Variants in MAMDC2 observed in about 807,000 individuals in gnomAD.
MAMDC2 encodes MAM domain containing 2.
In MAMDC2, 57 loss-of-function variants were observed where a neutral mutation model predicts 89.8. The ratio of observed to expected loss-of-function variants is 0.63; its 90% CI spans 0.51 to 0.79. The LOEUF (loss-of-function observed/expected upper bound fraction) is 0.79. Ranked by LOEUF, MAMDC2 falls within the 30% of genes least tolerant of loss-of-function variation. The pLI, the probability that MAMDC2 is intolerant of heterozygous loss-of-function variation, is 0.00. For synonymous variants in MAMDC2, 313 were observed against 293.4 expected, an observed-to-expected ratio of 1.07 and a Z score of -0.68; for missense variants, 800 against 820.6, an observed-to-expected ratio of 0.97 and a Z score of 0.31.
chr9:70,098,650 AG>A (rs1197482809), intron 2 of MAMDC2, among the ~76,000 whole-genome samples: 2 of 152,206 alleles, frequency 1.3e-5, no homozygotes, highest in Non-Finnish European at 2.9e-5. Flanking sequence ...AAGGAAGAAA[AG>A]GTTGTTTTCC....
chr9:70,073,717 A>T (rs866898546), intron 2 of MAMDC2, among the ~76,000 whole-genome samples: 2 of 152,216 alleles, frequency 1.3e-5, no homozygotes, highest in Admixed American at 1.3e-4. Flanking sequence ...ATAAACCATG[A>T]ATCTCATCTC....
intron 2 of MAMDC2, among the ~76,000 whole-genome samples, chr9:70,077,913 C>T (rs1827568200): frequency 2.1e-5 from 3 of 143,314 alleles, no homozygotes; most frequent in African/African-American, 8.6e-5. Flanking sequence ...TGTGAAGTTA[C>T]AACACTGCAC....
At chr9:70,077,709 A>G (rs1827563990) in intron 2 of MAMDC2, among the ~76,000 whole-genome samples, 1 of 152,146 alleles carries the variant, frequency 6.6e-6, no homozygotes. Context: ...GAGAATAGTT[A>G]TCATTGACCC....
At chr9:70,216,821 C>T (rs1037876865) in intron 11 of MAMDC2, among the ~76,000 whole-genome samples, 1 of 152,184 alleles carries the variant, frequency 6.6e-6, no homozygotes, top group African/African-American at 2.4e-5. Context: ...CATTACTATT[C>T]ATATATAGTT....
Position 70,044,628 on chromosome 9 carries a change from G to A in MAMDC2, c.79G>A (p.Ala27Thr), listed in dbSNP as rs771142996. 3.9e-6 allele frequency: 6 copies of A among 1,551,404 alleles called. No individual in the cohort carries two copies. Among genetic ancestry groups the A allele is most frequent in the Admixed American group, 2.0e-5 (1 of 51,012 alleles). Residue 27 changes from alanine (A) to threonine (T), a missense_variant, in exon 2 of 14, where the codon GCC becomes ACC. Physicochemically the swap from Ala to Thr is moderately conservative, Grantham distance 58. Coordinates refer to ENST00000377182, the MANE Select transcript of MAMDC2 (RefSeq NM_153267.5). The part of the protein sequence containing the change: ...GALDLPAGSC[A>T]FEESTCGFDS... ...CCTCGACCTGCCCGCTGGGTCCTGT[G>A]CCTTTGAAGAGAGCACTTGCGGCTT...
At chr9:70,135,691 G>C (rs1416576905) in intron 7 of MAMDC2, among the ~76,000 whole-genome samples, 1 of 152,118 alleles carries the variant, frequency 6.6e-6, no homozygotes, top group Non-Finnish European at 1.5e-5. Context: ...GGAAGATACA[G>C]AGGTCTCTCA....
At chr9:70,220,416 G>C (rs1023003518) in intron 12 of MAMDC2, among the ~76,000 whole-genome samples, 3 of 152,152 alleles carry the variant, frequency 2.0e-5, no homozygotes, top group African/African-American at 7.2e-5. Flanking sequence ...GCTTAGAATG[G>C]AACAGATAAG....
chr9:70,213,841 C>A (rs1224671258), intron 11 of MAMDC2, among the ~76,000 whole-genome samples: 2 of 152,252 alleles, frequency 1.3e-5, no homozygotes, highest in African/African-American at 4.8e-5. Context: ...TTTAATTTTA[C>A]CAAAACTGGG....
chr9:70,186,226 G>T (rs1159968876), intron 11 of MAMDC2, among the ~76,000 whole-genome samples: 1 of 151,884 alleles, frequency 6.6e-6, no homozygotes, highest in African/African-American at 2.4e-5. Context: ...ACATTTCCAT[G>T]TTTATCTCTT....
In MAMDC2 at chr9:70,116,255, A is replaced by G. The variant is rs376114771; in HGVS notation, c.643+3123A>G. On this transcript the variant is annotated intron_variant, in intron 5 of 13. Coordinates refer to ENST00000377182, the MANE Select transcript of MAMDC2 (RefSeq NM_153267.5). ...GGGGAGAACATATATTTCTTGGAAG[A>G]GGCAACAGAGCAGTGGACTAGTGTC... 3.2e-4 allele frequency among the ~76,000 whole-genome samples: 48 copies of G among 152,334 alleles called. No individual in the cohort carries two copies. The South Asian group carries it at 9.9e-3, about 32-fold the overall frequency.
chr9:70,203,464 C>A lies in MAMDC2; in HGVS notation c.1652-14873C>A, dbSNP rs1201263447. ...GGGCTTCCCTTTGAGGGTAACCCGA[C>A]CTTTCTCTCTGGCTGCCCTTAACAT... On this transcript the variant is annotated intron_variant, in intron 11 of 13. Coordinates refer to ENST00000377182, the MANE Select transcript of MAMDC2 (RefSeq NM_153267.5). Among the ~76,000 whole-genome samples the A allele has an allele frequency of 5.0e-5, 7 of 140,250 alleles. No homozygotes were observed. In the Admixed American group the frequency reaches 5.3e-4, roughly 11 times the overall value. 92.0% of individuals were successfully genotyped at this position (140,250 alleles called of 152,430 possible).
chr9:70,076,158 C>T (rs1827526274), intron 2 of MAMDC2, among the ~76,000 whole-genome samples: 2 of 152,148 alleles, frequency 1.3e-5, no homozygotes, highest in Non-Finnish European at 2.9e-5. Context: ...TGTGGTGGCT[C>T]ACGCCTGTAA....
intron 11 of MAMDC2, among the ~76,000 whole-genome samples, chr9:70,211,291 T>C (rs1333384100): frequency 6.6e-6 from 1 of 152,244 alleles, no homozygotes; most frequent in Non-Finnish European, 1.5e-5. Context: ...TCTTTTGACA[T>C]AGTCCCATAT....
At chr9:70,176,159 A>AC (rs2032494041) in intron 11 of MAMDC2, among the ~76,000 whole-genome samples, 1 of 152,222 alleles carries the variant, frequency 6.6e-6, no homozygotes, top group South Asian at 2.1e-4. Context: ...TCATTATGCT[A>AC]AAATAATGTT....
At chr9:70,100,092 G>A (rs989262926) in intron 2 of MAMDC2, among the ~76,000 whole-genome samples, 3 of 151,838 alleles carry the variant, frequency 2.0e-5, no homozygotes, top group Non-Finnish European at 4.4e-5. Context: ...GTGAGATGAC[G>A]AGGTGGGGTA....
chr9:70,065,051 T>C (rs1483265060), intron 2 of MAMDC2, among the ~76,000 whole-genome samples: 9 of 152,154 alleles, frequency 5.9e-5, no homozygotes, highest in Admixed American at 3.3e-4. Context: ...TGAAATATAA[T>C]GAAAGAATCA....
chr9:70,044,325 G>A, intron 1 of MAMDC2, 94 bp downstream of exon 1: 1 of 1,408,930 alleles, frequency 7.1e-7, no homozygotes, highest in Non-Finnish European at 9.8e-7. Context: ...GTGCTGGGCT[G>A]GGCCATCCGA....
chr9:70,050,776 C>G (rs1031746424), intron 2 of MAMDC2, among the ~76,000 whole-genome samples: 1 of 152,160 alleles, frequency 6.6e-6, no homozygotes, highest in Non-Finnish European at 1.5e-5. Flanking sequence ...GCCATCTACT[C>G]TTCATTCCAA....
At chr9:70,155,454 C>A (rs1005968655) in intron 9 of MAMDC2, among the ~76,000 whole-genome samples, 4 of 152,182 alleles carry the variant, frequency 2.6e-5, no homozygotes, top group Admixed American at 6.5e-5. Flanking sequence ...AACCAACCTG[C>A]CCATCTAGGC....
Sources: gnomAD v4.1 joint callset for allele counts (sites outside exome capture counted in the v4.1 genomes callset) on GRCh38, gnomAD v4.1.1 for gene constraint, MANE v1.5 for transcripts, NCBI Gene and HGNC (gene_info 2026-07-23, HGNC 2026-07-21) for gene names.